Variants in ASIC2 observed in about 807,000 individuals in gnomAD.
ASIC2 encodes the protein acid-sensing ion channel 2.
ASIC2 carries 25 observed loss-of-function variants against 57.3 expected under a neutral mutation model. That is an observed-to-expected ratio of 0.44 (90% CI 0.32 to 0.61). ASIC2 has a LOEUF of 0.61. Ranked by LOEUF, ASIC2 falls within the 20% of genes least tolerant of loss-of-function variation. The probability of loss-of-function intolerance (pLI) is 0.06; values close to 1 mark genes in which losing one functional copy is unlikely to be tolerated. For synonymous variants in ASIC2, 319 were observed against 307.5 expected (o/e 1.04, Z -0.39); for missense variants, 641 against 738.1 (o/e 0.87, Z 1.52).
At chr17:34,090,656 G>A (rs1187524616) in intron 1 of ASIC2, among the ~76,000 whole-genome samples, 1 of 152,174 alleles carries the variant, frequency 6.6e-6, no homozygotes, top group Non-Finnish European at 1.5e-5. Context: ...GAGTACTTAA[G>A]GTGGACTAAG....
chr17:33,343,338 T>G (rs1392411829), intron 1 of ASIC2, among the ~76,000 whole-genome samples: 1 of 152,202 alleles, frequency 6.6e-6, no homozygotes, highest in Non-Finnish European at 1.5e-5. Context: ...TCCTCTCTGA[T>G]GTAGTTCCGT....
intron 1 of ASIC2, among the ~76,000 whole-genome samples, chr17:33,239,744 C>G (rs1005547136): frequency 6.6e-6 from 1 of 152,208 alleles, no homozygotes; most frequent in East Asian, 1.9e-4. Flanking sequence ...GCCATAGAGA[C>G]ATTTGCAAAC....
At chr17:33,627,590 G>T (rs181350678) in intron 1 of ASIC2, among the ~76,000 whole-genome samples, 20 of 152,202 alleles carry the variant, frequency 1.3e-4, no homozygotes, top group African/African-American at 4.8e-4. Flanking sequence ...ACTCTGGCTA[G>T]GTCTCCTCAA....
intron 1 of ASIC2, among the ~76,000 whole-genome samples, chr17:33,377,618 T>C (rs1364800334): frequency 6.6e-6 from 1 of 152,230 alleles, no homozygotes; most frequent in Non-Finnish European, 1.5e-5. Context: ...CTGCAACTTG[T>C]CCATTTTCTT....
chr17:33,476,839 T>G lies in ASIC2; in HGVS notation c.556-364772A>C, dbSNP rs568069866. ...ACCTCTCATGCCACCCAGAAGCCTT[T>G]CCAGTCAGTCTCGTGTGGCATGCCC... On this transcript the variant is annotated intron_variant, in intron 1 of 9. Coordinates refer to the ASIC2 transcript ENST00000359872. Among the ~76,000 whole-genome samples the G allele has an allele frequency of 3.3e-5, 5 of 152,166 alleles. No individual in the cohort carries two copies. In the East Asian group the frequency reaches 9.7e-4, roughly 29 times the overall value.
At chr17:33,769,149 C>A (rs1468239465) in intron 1 of ASIC2, among the ~76,000 whole-genome samples, 1 of 152,232 alleles carries the variant, frequency 6.6e-6, no homozygotes, top group East Asian at 1.9e-4. Flanking sequence ...AGTGCAGCCA[C>A]CCCATGTGAT....
intron 1 of ASIC2, among the ~76,000 whole-genome samples, chr17:33,549,767 T>C (rs544265385): frequency 6.6e-6 from 1 of 152,260 alleles, no homozygotes; most frequent in South Asian, 2.1e-4. Flanking sequence ...TAAATCTTCT[T>C]CCCCAAAAGA....
chr17:33,284,577 T>C (rs536072311), intron 1 of ASIC2, among the ~76,000 whole-genome samples: 3 of 152,248 alleles, frequency 2.0e-5, no homozygotes, highest in Admixed American at 1.3e-4. Context: ...CTTCAAGGCT[T>C]GGAAGATTGT....
chr17:33,586,299 A>AG (rs1353378123), intron 1 of ASIC2, among the ~76,000 whole-genome samples: 2 of 152,012 alleles, frequency 1.3e-5, no homozygotes, highest in Admixed American at 6.6e-5. Context: ...TTTACCATCT[A>AG]GGGGGGCAGG....
At chr17:33,134,785 C>T (rs985538602) in intron 1 of ASIC2, among the ~76,000 whole-genome samples, 2 of 151,974 alleles carry the variant, frequency 1.3e-5, no homozygotes, top group Non-Finnish European at 2.9e-5. Flanking sequence ...GAGCAGAGCT[C>T]TGAGAAGGGG....
chr17:33,943,692 T>TAAAAA lies in ASIC2; in HGVS notation c.555+212281_555+212285dup, dbSNP rs3071252. ...GCCAACATTCATTGAATGATAATAG[T>TAAAAA]AAAAAAAAAAAAAAAAAAAATGGAG... is the stretch of plus-strand genomic sequence containing the variant. On this transcript the variant is annotated intron_variant, in intron 1 of 9. Transcript: ENST00000359872. Among the ~76,000 whole-genome samples, 18 of 119,798 alleles carry TAAAAA rather than the reference T, an allele frequency of 1.5e-4. 1 individual carries two copies. The highest frequency in any genetic ancestry group is 2.6e-4 in the South Asian group (1 of 3,780). The allele number at this position is 119,798 out of a possible 152,430, so 78.6% of individuals were successfully genotyped here. A position where few individuals can be genotyped will look rare whatever the true frequency, so the allele number is the denominator to read the frequency against.
chr17:33,252,551 C>T (rs548625613), intron 1 of ASIC2, among the ~76,000 whole-genome samples: 3 of 152,122 alleles, frequency 2.0e-5, no homozygotes, highest in South Asian at 4.2e-4. Flanking sequence ...GCATTGTTTC[C>T]CCGAGCCATA....
chr17:33,861,122 G>T (rs1036257051), intron 1 of ASIC2, among the ~76,000 whole-genome samples: 2 of 152,110 alleles, frequency 1.3e-5, no homozygotes, highest in Non-Finnish European at 2.9e-5. Context: ...AAAAAACCCC[G>T]TGTGTAACAG....
At chr17:33,659,242 C>T (rs1350073231) in intron 1 of ASIC2, among the ~76,000 whole-genome samples, 1 of 152,176 alleles carries the variant, frequency 6.6e-6, no homozygotes, top group African/African-American at 2.4e-5. Flanking sequence ...ATTACGGTTG[C>T]TTTGCCTGAC....
chr17:34,100,666 T>C (rs1910832715), intron 1 of ASIC2, among the ~76,000 whole-genome samples: 1 of 152,204 alleles, frequency 6.6e-6, no homozygotes, highest in Non-Finnish European at 1.5e-5. Context: ...CTGAGAGGGC[T>C]GAGGGCTCCC....
chr17:33,803,591 T>C (rs866439653), intron 1 of ASIC2, among the ~76,000 whole-genome samples: 1,640 of 149,702 alleles, frequency 0.011, 10 homozygotes, highest in Non-Finnish European at 0.015. Flanking sequence ...CTTTTCTTTT[T>C]TTTTTTTTTT....
rs1915692457 is a variant in ASIC2 at position 33,920,727 on chromosome 17, AT to A, written c.555+235250del. ...TCTAAAATCAAAGTTGAAATTATAT[AT>A]TTTTTTAAAAACCTTTGTTCTGGGC... On this transcript the variant is annotated intron_variant, in intron 1 of 9. Coordinates refer to the ASIC2 transcript ENST00000359872. Among the ~76,000 whole-genome samples the A allele has an allele frequency of 2.0e-5, 3 of 152,160 alleles. No individual in the cohort carries two copies. In the South Asian group the frequency reaches 6.2e-4, roughly 32 times the overall value.
At chr17:33,559,996 T>C (rs564993273) in intron 1 of ASIC2, among the ~76,000 whole-genome samples, 7 of 152,240 alleles carry the variant, frequency 4.6e-5, no homozygotes, top group Admixed American at 3.3e-4. Context: ...AAAGGCCTCA[T>C]GTGCAGAAAA....
intron 1 of ASIC2, among the ~76,000 whole-genome samples, chr17:33,939,373 T>C (rs1371600895): frequency 6.6e-6 from 1 of 152,232 alleles, no homozygotes; most frequent in Non-Finnish European, 1.5e-5. Context: ...CAATATCTCT[T>C]GGCTCTAGGC....
Sources: gnomAD v4.1 joint callset for allele counts (sites outside exome capture counted in the v4.1 genomes callset) on GRCh38, gnomAD v4.1.1 for gene constraint, MANE v1.5 for transcripts, NCBI Gene and HGNC (gene_info 2026-07-23, HGNC 2026-07-21) for gene names.